The following ZNF407 variants were observed in gnomAD, a reference collection of about 807,000 sequenced individuals.
ZNF407 encodes zinc finger protein 407.
ZNF407 carries 17 observed loss-of-function variants against 131.2 expected under a neutral mutation model. That is an observed-to-expected ratio of 0.13 (90% CI 0.09 to 0.19). The LOEUF (loss-of-function observed/expected upper bound fraction) is 0.19. Among genes scored for constraint, ZNF407 ranks in the 10% least tolerant of loss-of-function variants. The pLI, the probability that ZNF407 is intolerant of heterozygous loss-of-function variation, is 1.00. For missense variants in ZNF407, 2,681 were observed against 2,830.6 expected, an observed-to-expected ratio of 0.95 and a Z score of 1.20; for synonymous variants, 1,156 against 1,062.0, an observed-to-expected ratio of 1.09 and a Z score of -1.72.
chr18:74,624,384 T>G (rs751263908), intron 1 of ZNF407, among the ~76,000 whole-genome samples: 4 of 152,166 alleles, frequency 2.6e-5, no homozygotes, highest in Non-Finnish European at 5.9e-5. Context: ...AAAAACAACT[T>G]TTACATCAGC....
At chr18:74,802,300 A>G (rs1970033388) in intron 4 of ZNF407, among the ~76,000 whole-genome samples, 1 of 152,206 alleles carries the variant, frequency 6.6e-6, no homozygotes, top group African/African-American at 2.4e-5. Context: ...TATGTGAATC[A>G]TGATGTTACT....
intron 3 of ZNF407, among the ~76,000 whole-genome samples, chr18:74,676,239 A>G (rs924267323): frequency 2.0e-5 from 3 of 150,542 alleles, no homozygotes; most frequent in Non-Finnish European, 4.4e-5. Flanking sequence ...TTACAGATGC[A>G]TGCTGCCACG....
intron 3 of ZNF407, among the ~76,000 whole-genome samples, chr18:74,736,126 C>T (rs1041503776): frequency 2.0e-5 from 3 of 152,162 alleles, no homozygotes; most frequent in African/African-American, 4.8e-5. Flanking sequence ...CCATATTACT[C>T]TGCTAGATGA....
At chr18:74,915,237 G>A (rs1971731234) in intron 7 of ZNF407, among the ~76,000 whole-genome samples, 1 of 152,114 alleles carries the variant, frequency 6.6e-6, no homozygotes, top group African/African-American at 2.4e-5. Context: ...ACCAGCTCAG[G>A]AATGGGCCTA....
intron 3 of ZNF407, among the ~76,000 whole-genome samples, chr18:74,700,094 C>G (rs1367001091): frequency 6.6e-6 from 1 of 152,094 alleles, no homozygotes; most frequent in Non-Finnish European, 1.5e-5. Context: ...AGTTCTTTTC[C>G]TAAGGACATT....
chr18:75,029,458 G>T (rs1298918164), intron 8 of ZNF407, among the ~76,000 whole-genome samples: 1 of 152,182 alleles, frequency 6.6e-6, no homozygotes, highest in East Asian at 1.9e-4. Flanking sequence ...AGTGCTAGTA[G>T]CTGGTAGCTG....
intron 8 of ZNF407, among the ~76,000 whole-genome samples, chr18:75,051,257 G>T (rs529806003): frequency 6.6e-6 from 1 of 152,238 alleles, no homozygotes; most frequent in African/African-American, 2.4e-5. Flanking sequence ...TGTTAATGCT[G>T]TCACTTAGGA....
chr18:74,833,535 G>A (rs531704804), intron 4 of ZNF407, among the ~76,000 whole-genome samples: 1 of 152,284 alleles, frequency 6.6e-6, no homozygotes, highest in Non-Finnish European at 1.5e-5. Context: ...AGGCTGGGAA[G>A]CATACTTGAG....
intron 4 of ZNF407, among the ~76,000 whole-genome samples, chr18:74,783,949 C>CA (rs1969657697): frequency 6.6e-6 from 1 of 152,200 alleles, no homozygotes; most frequent in African/African-American, 2.4e-5. Context: ...ACCCCAGCAG[C>CA]AGTATAATTT....
intron 4 of ZNF407, among the ~76,000 whole-genome samples, chr18:74,794,407 C>A (rs1969881851): frequency 6.8e-6 from 1 of 147,926 alleles, no homozygotes; most frequent in Non-Finnish European, 1.5e-5. Context: ...CTAAAAGGGT[C>A]ACATAATTTT....
At chr18:74,641,144 C>T in intron 3 of ZNF407, 22 bp downstream of exon 3, 1 of 1,571,406 alleles carries the variant, frequency 6.4e-7, no homozygotes, top group South Asian at 1.1e-5. Context: ...GAAGCCATCT[C>T]TGCTGCGTGA....
Position 74,870,686 on chromosome 18 carries a change from C to T in ZNF407, c.4878-6511C>T, listed in dbSNP as rs542019593. Among the ~76,000 whole-genome samples, 3 of 152,296 alleles carry T rather than the reference C, an allele frequency of 2.0e-5. No individual in the cohort carries two copies. In the East Asian group the frequency reaches 5.8e-4, roughly 29 times the overall value. On this transcript the variant is annotated intron_variant, in intron 4 of 8. Coordinates refer to ENST00000299687, the MANE Select transcript of ZNF407 (RefSeq NM_017757.3). The stretch of plus-strand genomic sequence containing the variant: ...TATTTAGCCTTTGTACACACACGTA[C>T]ACACACAAATGTTTAGAAGGAAATG...
chr18:74,703,007 T>A lies in ZNF407; in HGVS notation c.4802+61885T>A, dbSNP rs1208826458. ...CTTACTGCTTCAGACCCTGATGGTA[T>A]AGGTTTCCATAGAATTTGGGGCTCT... On this transcript the variant is annotated intron_variant, in intron 3 of 8. Transcript: ENST00000299687. The surrounding 1 kb of genome is among the most constrained non-coding windows in gnomAD (Gnocchi z 4.1). Among the ~76,000 whole-genome samples the A allele has an allele frequency of 1.3e-5, 2 of 152,216 alleles. No homozygotes were observed. Among genetic ancestry groups the A allele is most frequent in the African/African-American group, 4.8e-5 (2 of 41,464 alleles).
At chr18:74,859,887 T>G (rs1488131620) in intron 4 of ZNF407, among the ~76,000 whole-genome samples, 2 of 152,130 alleles carry the variant, frequency 1.3e-5, no homozygotes, top group East Asian at 1.9e-4. Context: ...ATACTTGAAC[T>G]TTTTTCCTTC....
At chr18:74,821,429 C>A (rs1358402737) in intron 4 of ZNF407, among the ~76,000 whole-genome samples, 1 of 151,494 alleles carries the variant, frequency 6.6e-6, no homozygotes, top group Non-Finnish European at 1.5e-5. Flanking sequence ...TAGTCCCCCA[C>A]CCCACAACAG....
intron 4 of ZNF407, among the ~76,000 whole-genome samples, chr18:74,798,033 C>A (rs769582116): frequency 2.6e-5 from 4 of 151,946 alleles, no homozygotes; most frequent in Non-Finnish European, 2.9e-5. Flanking sequence ...TGGGGAAAGG[C>A]GCAAACGCAT....
intron 2 of ZNF407, among the ~76,000 whole-genome samples, chr18:74,636,336 T>TA (rs143095198): frequency 0.11 from 16,799 of 152,116 alleles, 1,033 homozygotes; most frequent in Non-Finnish European, 0.14. Flanking sequence ...GGAAAGTTTT[T>TA]AAAAAAACAT....
intron 1 of ZNF407, among the ~76,000 whole-genome samples, chr18:74,608,838 G>GTA (rs1283693183): frequency 6.6e-6 from 1 of 152,196 alleles, no homozygotes; most frequent in Non-Finnish European, 1.5e-5. Context: ...ATATGAGGAG[G>GTA]TATGTGATAT....
chr18:74,796,131 A>G (rs1969915538), intron 4 of ZNF407, among the ~76,000 whole-genome samples: 1 of 152,198 alleles, frequency 6.6e-6, no homozygotes, highest in South Asian at 2.1e-4. Flanking sequence ...TCTAGAAAAA[A>G]ATCTTAATTT....
Sources: allele counts gnomAD v4.1 joint callset (sites outside exome capture counted in the v4.1 genomes callset), GRCh38; gene constraint gnomAD v4.1.1; non-coding constraint Gnocchi (gnomAD v3.1); transcripts MANE v1.5; gene names NCBI Gene and HGNC (gene_info 2026-07-23, HGNC 2026-07-21).